Variants in ERAP1 observed in about 807,000 individuals in gnomAD.
ERAP1 encodes the protein endoplasmic reticulum aminopeptidase 1.
Under a neutral mutation model 103.7 loss-of-function variants are expected in ERAP1, and 86 were observed. The observed-to-expected ratio is 0.83, with a 90% CI of 0.70 to 0.99. The LOEUF is 0.99. ERAP1 is among the 50% of genes least tolerant of loss of function. ERAP1 has a pLI of 0.00. For missense variants in ERAP1, 1,009 were observed against 1,128.4 expected (o/e 0.89, Z 1.52); for synonymous variants, 398 against 402.4 (o/e 0.99, Z 0.13).
chr5:96,928,560 T>C, the ERAP1 span, among the ~76,000 whole-genome samples: 2 of 152,168 alleles, frequency 1.3e-5, no homozygotes, highest in Non-Finnish European at 2.9e-5. Context: ...GATCCTTCCC[T>C]AGTGCCTTTA....
At chr5:96,784,604 C>T (rs543467173) in intron 13 of ERAP1, among the ~76,000 whole-genome samples, 1 of 75,456 alleles carries the variant, frequency 1.3e-5, no homozygotes, top group Admixed American at 1.2e-4. Flanking sequence ...ACGTCTAGGG[C>T]TAACGTGGAT....
the ERAP1 span, among the ~76,000 whole-genome samples, chr5:96,889,827 TACATAC>T: frequency 1.0e-5 from 1 of 98,872 alleles, no homozygotes; most frequent in African/African-American, 4.5e-5. Context: ...CATTAAAAAA[TACATAC>T]ACACACACAC....
the ERAP1 span, among the ~76,000 whole-genome samples, chr5:96,874,180 A>AAGAAAGAAAGAAAGAAAGAAAG: frequency 1.8e-3 from 149 of 82,208 alleles, no homozygotes; most frequent in African/African-American, 3.6e-3. Context: ...GAAAGAAAGA[A>AAGAAAGAAAGAAAGAAAGAAAG]AGAGAGAGAG....
At chr5:96,895,400 G>C in the ERAP1 span, 1 of 1,302,008 alleles carries the variant, frequency 7.7e-7, no homozygotes. Context: ...ATGGTGTAAA[G>C]AATCATCAAT....
At chr5:96,913,558 C>A in the ERAP1 span, 1 of 1,330,214 alleles carries the variant, frequency 7.5e-7, no homozygotes, top group Non-Finnish European at 1.1e-6. Flanking sequence ...ATAAATAATA[C>A]CATTTGTATC....
At chr5:96,879,997 T>C in the ERAP1 span, 4 of 1,614,074 alleles carry the variant, frequency 2.5e-6, no homozygotes, top group East Asian at 2.2e-5. Context: ...TCAGCAATGC[T>C]ACCCAGTTTA....
At chr5:96,909,970 A>C in the ERAP1 span, 1 of 490,606 alleles carries the variant, frequency 2.0e-6, no homozygotes, top group African/African-American at 1.9e-5. Flanking sequence ...AATGGTGTCC[A>C]TTATTCCGGT....
chr5:96,924,727 AG>A, the ERAP1 span, among the ~76,000 whole-genome samples: 29 of 151,966 alleles, frequency 1.9e-4, no homozygotes, highest in African/African-American at 6.8e-4. Flanking sequence ...CCTCACGAGT[AG>A]CCGGGACTAC....
chr5:96,767,482 G>A (rs1018176007), intron 19 of ERAP1: 1 of 1,611,440 alleles, frequency 6.2e-7, no homozygotes, highest in Non-Finnish European at 8.5e-7. Flanking sequence ...AGGATTCAAA[G>A]GTAAAGACCA....
At chr5:96,777,031 A>C (rs1324087607) in intron 18 of ERAP1, 2 of 155,682 alleles carry the variant, frequency 1.3e-5, no homozygotes, top group African/African-American at 4.8e-5. Flanking sequence ...ATTCTTAGCA[A>C]GTTATGGCGG....
At chr5:96,925,974 G>C in the ERAP1 span, among the ~76,000 whole-genome samples, 11 of 141,840 alleles carry the variant, frequency 7.8e-5, no homozygotes, top group Admixed American at 3.0e-4. Flanking sequence ...GCAGTGGCGT[G>C]ATCTCGGCTC....
At chr5:96,795,408 T>A (rs1777240297) in intron 4 of ERAP1, among the ~76,000 whole-genome samples, 1 of 152,098 alleles carries the variant, frequency 6.6e-6, no homozygotes, top group African/African-American at 2.4e-5. Flanking sequence ...AGATGGCAAA[T>A]GAGAAAGAAA....
At chr5:96,840,860 C>T in the ERAP1 span, among the ~76,000 whole-genome samples, 1 of 152,002 alleles carries the variant, frequency 6.6e-6, no homozygotes, top group Non-Finnish European at 1.5e-5. Context: ...CGCGCACCAC[C>T]ACACCCAGCT....
At chr5:96,763,451 C>T (rs1335977070) in intron 19 of ERAP1, among the ~76,000 whole-genome samples, 2 of 152,152 alleles carry the variant, frequency 1.3e-5, no homozygotes, top group African/African-American at 2.4e-5. Flanking sequence ...CCTAGGCTGC[C>T]GTTTACACTT....
rs1561666903 is a variant in ERAP1 at position 96,781,126 on chromosome 5, G to T, written c.2520C>A (p.Gly840=). ...CCAGTGGGTATCCTACTGGGTTCCT[G>T]CCAATGAGTGTAAGAATTTGTGGAA... The part of the protein sequence containing the change: ...QEFPQILTLI[G]RNPVGYPLAW... Residue 840 remains glycine, a synonymous_variant, in exon 17 of 19, where the codon GGC becomes GGA. Coordinates refer to ENST00000443439, the MANE Select transcript of ERAP1 (RefSeq NM_001040458.3). The T allele has an allele frequency of 2.5e-6, 4 of 1,613,384 alleles. No individual in the cohort carries two copies. Among genetic ancestry groups the T allele is most frequent in the Middle Eastern group, 3.3e-4 (2 of 6,062 alleles).
At chr5:96,883,893 G>T in the ERAP1 span, 3 of 1,613,658 alleles carry the variant, frequency 1.9e-6, no homozygotes, top group Non-Finnish European at 2.5e-6. Flanking sequence ...AAGATACGAA[G>T]AGAGAGCAGG....
intron 3 of ERAP1, among the ~76,000 whole-genome samples, chr5:96,798,869 T>C: frequency 2.0e-5 from 2 of 101,076 alleles, no homozygotes; most frequent in African/African-American, 3.4e-5. Flanking sequence ...AACAAAAATT[T>C]CCTTTTTTTT....
At chr5:96,914,323 T>C in the ERAP1 span, among the ~76,000 whole-genome samples, 10 of 152,352 alleles carry the variant, frequency 6.6e-5, no homozygotes, top group Non-Finnish European at 1.5e-4. Context: ...TCCTAGTTCC[T>C]TCTCTTTCAT....
At chr5:96,829,812 A>G in the ERAP1 span, among the ~76,000 whole-genome samples, 1 of 152,220 alleles carries the variant, frequency 6.6e-6, no homozygotes, top group Non-Finnish European at 1.5e-5. Flanking sequence ...GAAAGTAAAT[A>G]TCTCTCATCA....
Sources: gnomAD v4.1 joint callset for allele counts (sites outside exome capture counted in the v4.1 genomes callset) on GRCh38, gnomAD v4.1.1 for gene constraint, MANE v1.5 for transcripts, NCBI Gene and HGNC (gene_info 2026-07-23, HGNC 2026-07-21) for gene names.